Variants in CYP7B1 observed in about 807,000 individuals in gnomAD.
CYP7B1 encodes cytochrome P450 family 7 subfamily B member 1.
CYP7B1 carries 29 observed loss-of-function variants against 42.7 expected under a neutral mutation model. That is an observed-to-expected ratio of 0.68 (90% CI 0.51 to 0.93). The LOEUF (loss-of-function observed/expected upper bound fraction) is 0.93, where lower values mean the gene tolerates loss of function less well. Among genes scored for constraint, CYP7B1 ranks in the 40% least tolerant of loss-of-function variants. CYP7B1 has a pLI of 0.00. For synonymous variants in CYP7B1, 235 were observed against 218.2 expected (o/e 1.08, Z -0.68); for missense variants, 655 against 600.5 (o/e 1.09, Z -0.95).
Position 64,624,347 on chromosome 8 carries a change from A to G in CYP7B1, c.259+56T>C, listed in dbSNP as rs186154183. Reference sequence around the variant, plus strand: ...GCCTAGAGAAAAACAGAAAGACATTAAAGAACAAGTGAAAAATGATGACAT... The same window carrying G: ...GCCTAGAGAAAAACAGAAAGACATTGAAGAACAAGTGAAAAATGATGACAT... On this transcript the variant is annotated intron_variant, in intron 2 of 5. Coordinates refer to ENST00000310193, the MANE Select transcript of CYP7B1 (RefSeq NM_004820.5). The G allele has an allele frequency of 1.2e-5, 18 of 1,543,896 alleles. No homozygotes were observed. In the East Asian group the frequency reaches 4.1e-4, roughly 35 times the overall value.
intron 1 of CYP7B1, among the ~76,000 whole-genome samples, chr8:64,685,183 G>A (rs1204731983): frequency 6.6e-6 from 1 of 152,016 alleles, no homozygotes; most frequent in Non-Finnish European, 1.5e-5. Flanking sequence ...CCGGGAGGCA[G>A]CGGCTGGAGG....
chr8:64,635,682 T>C (rs1805759211), intron 1 of CYP7B1, among the ~76,000 whole-genome samples: 3 of 152,206 alleles, frequency 2.0e-5, no homozygotes, highest in African/African-American at 7.2e-5. Flanking sequence ...TAGTCACATA[T>C]TTCTCCATGG....
intron 1 of CYP7B1, among the ~76,000 whole-genome samples, chr8:64,765,118 G>C (rs1273038978): frequency 6.6e-6 from 1 of 150,772 alleles, no homozygotes; most frequent in Non-Finnish European, 1.5e-5. Context: ...GTATTTGCAG[G>C]ATGAAAAAAA....
In CYP7B1 at chr8:64,592,740, T is replaced by C. The variant is rs1805055404; in HGVS notation, c.*3902A>G. 6.6e-6 allele frequency among the ~76,000 whole-genome samples: 1 copy of C among 152,254 alleles called. No individual in the cohort carries two copies. The highest frequency in any genetic ancestry group is 1.5e-5 in the Non-Finnish European group (1 of 68,048). On this transcript the variant is annotated 3_prime_UTR_variant, in exon 6 of 6. Transcript: ENST00000310193. ...CATACACGTTACTGTGTTTAATCGT[T>C]ACAATGAACTCTGATGTCAAAGGGC...
chr8:64,794,817 C>A (rs1219391801), intron 1 of CYP7B1, among the ~76,000 whole-genome samples: 1 of 152,124 alleles, frequency 6.6e-6, no homozygotes, highest in East Asian at 1.9e-4. Flanking sequence ...AAGAGTAAAA[C>A]TAAGCTTCCA....
chr8:64,753,514 T>C (rs1472487015), intron 1 of CYP7B1, among the ~76,000 whole-genome samples: 3 of 152,196 alleles, frequency 2.0e-5, no homozygotes, highest in African/African-American at 7.2e-5. Context: ...CTGCAGAGAA[T>C]GAGTCAGACC....
intron 1 of CYP7B1, among the ~76,000 whole-genome samples, chr8:64,645,859 A>C (rs1805945787): frequency 6.6e-6 from 1 of 152,174 alleles, no homozygotes; most frequent in Non-Finnish European, 1.5e-5. Flanking sequence ...GATATAGATC[A>C]ATGGAACAGA....
intron 1 of CYP7B1, among the ~76,000 whole-genome samples, chr8:64,751,109 A>G (rs561053661): frequency 6.6e-6 from 1 of 152,234 alleles, no homozygotes; most frequent in East Asian, 1.9e-4. Context: ...ATTCTAAATT[A>G]TTTTCTTAAA....
intron 1 of CYP7B1, among the ~76,000 whole-genome samples, chr8:64,713,359 G>A (rs971008974): frequency 3.8e-5 from 4 of 105,958 alleles, no homozygotes; most frequent in African/African-American, 1.1e-4. Flanking sequence ...AAAGAAGCAG[G>A]AAAACATAGA....
At chr8:64,783,156 A>G (rs2129688121) in intron 1 of CYP7B1, among the ~76,000 whole-genome samples, 1 of 152,296 alleles carries the variant, frequency 6.6e-6, no homozygotes, top group Non-Finnish European at 1.5e-5. Flanking sequence ...CTTTTCCTAT[A>G]TTTTATTATA....
chr8:64,646,794 T>C (rs1334934377), intron 1 of CYP7B1, among the ~76,000 whole-genome samples: 1 of 152,252 alleles, frequency 6.6e-6, no homozygotes, highest in Non-Finnish European at 1.5e-5. Context: ...TTAGGGAATA[T>C]TGTGGCTGGT....
chr8:64,779,609 C>T (rs1234000240), intron 1 of CYP7B1, among the ~76,000 whole-genome samples: 2 of 152,026 alleles, frequency 1.3e-5, no homozygotes, highest in Non-Finnish European at 2.9e-5. Context: ...AGTGACCCAA[C>T]AGTAAGCCTC....
chr8:64,795,315 G>C (rs1436602951), intron 1 of CYP7B1, among the ~76,000 whole-genome samples: 2 of 152,254 alleles, frequency 1.3e-5, no homozygotes, highest in Non-Finnish European at 2.9e-5. Flanking sequence ...AGAAAGGAGT[G>C]TAAAATATTT....
At chr8:64,631,230 T>C (rs2129630676) in intron 1 of CYP7B1, among the ~76,000 whole-genome samples, 1 of 152,282 alleles carries the variant, frequency 6.6e-6, no homozygotes, top group Non-Finnish European at 1.5e-5. Flanking sequence ...TGTATAATAA[T>C]TATACACCAT....
rs912536412 is a variant in CYP7B1 at position 64,595,965 on chromosome 8, C to T, written c.*677G>A. 6.6e-6 allele frequency among the ~76,000 whole-genome samples: 1 copy of T among 152,142 alleles called. No homozygotes were observed. Among genetic ancestry groups the T allele is most frequent in the Non-Finnish European group, 1.5e-5 (1 of 68,012 alleles). ...TTCTGTGTTTTCTTATACATTAAAT[C>T]TTATCAGTATCTAACTTGAACATGA... On this transcript the variant is annotated 3_prime_UTR_variant, in exon 6 of 6. Coordinates refer to ENST00000310193, the MANE Select transcript of CYP7B1 (RefSeq NM_004820.5).
intron 1 of CYP7B1, among the ~76,000 whole-genome samples, chr8:64,686,147 G>T (rs1286667991): frequency 0.047 from 2,418 of 51,746 alleles, no homozygotes; most frequent in Non-Finnish European, 0.072. Context: ...TCTGGGAGGT[G>T]AGGGGCGCCT....
intron 1 of CYP7B1, among the ~76,000 whole-genome samples, chr8:64,649,208 T>C (rs1230059988): frequency 6.6e-6 from 1 of 152,180 alleles, no homozygotes; most frequent in East Asian, 1.9e-4. Flanking sequence ...AAGCAATTAC[T>C]CCTGAATTTC....
chr8:64,603,313 G>A (rs1805229578), intron 5 of CYP7B1, among the ~76,000 whole-genome samples: 1 of 152,158 alleles, frequency 6.6e-6, no homozygotes, highest in African/African-American at 2.4e-5. Context: ...TTTTCATCAT[G>A]AGGGTAAGAA....
intron 1 of CYP7B1, among the ~76,000 whole-genome samples, chr8:64,725,571 G>A (rs1807311048): frequency 6.6e-6 from 1 of 152,170 alleles, no homozygotes; most frequent in Admixed American, 6.5e-5. Flanking sequence ...TGCTGACAGT[G>A]GGAGCTGGAT....
Sources: gnomAD v4.1 joint callset for allele counts (sites outside exome capture counted in the v4.1 genomes callset) on GRCh38, gnomAD v4.1.1 for gene constraint, MANE v1.5 for transcripts, NCBI Gene and HGNC (gene_info 2026-07-23, HGNC 2026-07-21) for gene names.